The following RESP18 variants were observed in gnomAD, a reference collection of about 807,000 sequenced individuals.
RESP18 encodes the protein regulated endocrine specific protein 18.
A neutral mutation model predicts 30.0 loss-of-function variants in RESP18; 30 were observed. The ratio of observed to expected loss-of-function variants is 1.00; its 90% CI spans 0.75 to 1.36. The LOEUF (loss-of-function observed/expected upper bound fraction) is 1.36. Among genes scored for constraint, RESP18 ranks in the 40% most tolerant of loss-of-function variants. RESP18 has a pLI of 0.00. For synonymous variants in RESP18, 117 were observed against 111.2 expected (o/e 1.05, Z -0.33); for missense variants, 320 against 284.2 (o/e 1.13, Z -0.91).
At position 219,327,468 on chromosome 2, in the gene RESP18, G is replaced by A. The variant is rs1363458282; in HGVS notation, c.*49C>T. On this transcript the variant is annotated 3_prime_UTR_variant, in exon 7 of 7. Transcript: ENST00000333527. ...GTCATCCAAGAACTGCTCCTCTGAA[G>A]GGCAATGGGAAGGGTGCTGGGGCAG... is the stretch of plus-strand genomic sequence containing the variant. 2 of 1,507,190 alleles carry A rather than the reference G, an allele frequency of 1.3e-6. No homozygotes were observed. The highest frequency in any genetic ancestry group is 2.5e-5 in the East Asian group (1 of 40,716). The allele number at this position is 1,507,190 out of a possible 1,614,324, so 93.4% of individuals were successfully genotyped here.
chr2:219,329,452 A>T lies in RESP18; in HGVS notation c.465+185T>A, dbSNP rs1339422200. 3.9e-6 allele frequency: 6 copies of T among 1,550,278 alleles called. No individual in the cohort carries two copies. The African/African-American group carries it at 5.5e-5, about 14-fold the overall frequency. On this transcript the variant is annotated intron_variant, in intron 4 of 6. Coordinates refer to ENST00000333527, the MANE Select transcript of RESP18 (RefSeq NM_001007089.4). ...AATTGGACCTAGGCTTGCCACACCC[A>T]CCTCCCCTCCCTTTGCAGATATCAC...
chr2:219,330,719 C>A (rs1005932318), intron 3 of RESP18, 52 bp downstream of exon 2: 25 of 1,193,210 alleles, frequency 2.1e-5, no homozygotes, highest in Non-Finnish European at 2.8e-5. Context: ...CCCTCTTCCC[C>A]CCTCCCCATC....
At chr2:219,328,165 A>G (rs1031781742) in intron 6 of RESP18, among the ~76,000 whole-genome samples, 5 of 152,092 alleles carry the variant, frequency 3.3e-5, no homozygotes, top group Admixed American at 6.5e-5. Flanking sequence ...AAATCATATC[A>G]CGTTGTGACA....
At chr2:219,328,830 A>G (rs1288487215) in intron 6 of RESP18, 94 bp downstream of exon 5, 3 of 721,874 alleles carry the variant, frequency 4.2e-6, no homozygotes, top group East Asian at 2.7e-5. Context: ...GAGTGTTGCT[A>G]TCATGTGCTA....
Position 219,329,271 on chromosome 2 carries a change from G to A in RESP18, c.466-19C>T, listed in dbSNP as rs1241346290. ...GGGGGCTCTGTGAGGAGGGAAACCA[G>A]GAGTCAAGGAGGAGGCAGAAAAGGG... On this transcript the variant is annotated intron_variant, in intron 4 of 6. Coordinates refer to ENST00000333527, the MANE Select transcript of RESP18 (RefSeq NM_001007089.4). 1 of 1,551,676 alleles carries A rather than the reference G, an allele frequency of 6.4e-7. No homozygotes were observed. The highest frequency in any genetic ancestry group is 8.7e-7 in the Non-Finnish European group (1 of 1,146,932).
chr2:219,329,154 G>C lies in RESP18; in HGVS notation c.555+9C>G. 6.4e-7 allele frequency: 1 copy of C among 1,550,422 alleles called. No individual in the cohort carries two copies. Among genetic ancestry groups the C allele is most frequent in the South Asian group, 1.2e-5 (1 of 84,024 alleles). ...GGTCCAACCTCCCTAGAAAAAGTGA[G>C]CCCCTCACCTTGACAGGGTTGGCCA... On this transcript the variant is annotated intron_variant, in intron 5 of 6. Coordinates refer to ENST00000333527, the MANE Select transcript of RESP18 (RefSeq NM_001007089.4).
intron 4 of RESP18, 110 bp from the exon 4 acceptor site, chr2:219,329,362 C>G: frequency 6.4e-7 from 1 of 1,551,644 alleles, no homozygotes; most frequent in Non-Finnish European, 8.7e-7. Flanking sequence ...TGAGAAGATA[C>G]GTGAGTCTCA....
chr2:219,329,333 G>A (rs1329335479), intron 4 of RESP18, 81 bp from the exon 4 acceptor site: 6 of 1,551,778 alleles, frequency 3.9e-6, no homozygotes, highest in Admixed American at 2.0e-5. Context: ...TGGATACAAA[G>A]TCAGGGATTC....
chr2:219,331,998 T>C (rs1952836767), intron 2 of RESP18, among the ~76,000 whole-genome samples: 1 of 152,208 alleles, frequency 6.6e-6, no homozygotes, highest in Non-Finnish European at 1.5e-5. Context: ...TTCTCGAGTG[T>C]GCGCAGTCTG....
At chr2:219,327,765 T>A (rs555566083) in intron 6 of RESP18, among the ~76,000 whole-genome samples, 1 of 152,240 alleles carries the variant, frequency 6.6e-6, no homozygotes, top group South Asian at 2.1e-4. Flanking sequence ...TAAGCTTAGG[T>A]CTGGAGAAGA....
chr2:219,327,414 G>T lies in RESP18; in HGVS notation c.*103C>A. 9.3e-7 allele frequency: 1 copy of T among 1,078,202 alleles called. No individual in the cohort carries two copies. The highest frequency in any genetic ancestry group is 1.4e-6 in the Non-Finnish European group (1 of 718,352). 66.8% of individuals were successfully genotyped at this position (1,078,202 alleles called of 1,614,324 possible). A position where few individuals can be genotyped will look rare whatever the true frequency, so the allele number is the denominator to read the frequency against. Reference sequence around the variant, plus strand: ...CTCAAGACAAACTCAGTGTTTGCATGAGAGTCTACTTTAATGATTCAAATC... The same window carrying T: ...CTCAAGACAAACTCAGTGTTTGCATTAGAGTCTACTTTAATGATTCAAATC... On this transcript the variant is annotated 3_prime_UTR_variant, in exon 7 of 7. Coordinates refer to ENST00000333527, the MANE Select transcript of RESP18 (RefSeq NM_001007089.4).
At position 219,329,196 on chromosome 2, in the gene RESP18, C is replaced by A; in HGVS notation, c.522G>T (p.Lys174Asn). Residue 174 changes from lysine (K) to asparagine (N), a missense_variant, in exon 5 of 7, where the codon AAG becomes AAT. Physicochemically the swap from Lys to Asn is moderately conservative, Grantham distance 94. Transcript: ENST00000333527. ...GGTTGGCCACCTCTTGTTTCAGGGC[C>A]TTAGAAACCACTTCGGAGGTAAAGC... The A allele has an allele frequency of 1.4e-5, 21 of 1,551,692 alleles. No homozygotes were observed. The highest frequency in any genetic ancestry group is 1.7e-5 in the Non-Finnish European group (20 of 1,146,982).
rs1952785488 is a variant in RESP18, at chr2:219,327,439, C to T, written c.*78G>A. 7.9e-7 allele frequency: 1 copy of T among 1,269,064 alleles called. No homozygotes were observed. The highest frequency in any genetic ancestry group is 1.5e-5 in the African/African-American group (1 of 67,566). 78.6% of individuals were successfully genotyped at this position (1,269,064 alleles called of 1,614,324 possible). A position where few individuals can be genotyped will look rare whatever the true frequency, so the allele number is the denominator to read the frequency against. On this transcript the variant is annotated 3_prime_UTR_variant, in exon 7 of 7. Coordinates refer to ENST00000333527, the MANE Select transcript of RESP18 (RefSeq NM_001007089.4). ...GAGAGTCTACTTTAATGATTCAAATCTGGGTCATCCAAGAACTGCTCCTCT... is the reference window on the plus strand; with the variant it reads ...GAGAGTCTACTTTAATGATTCAAATTTGGGTCATCCAAGAACTGCTCCTCT...
rs766960954 is a variant in RESP18 at position 219,332,748 on chromosome 2, C to T, written c.18-10G>A. 6 of 1,527,548 alleles carry T rather than the reference C, an allele frequency of 3.9e-6. No homozygotes were observed. Among genetic ancestry groups the T allele is most frequent in the Non-Finnish European group, 5.3e-6 (6 of 1,131,188 alleles). 94.6% of individuals were successfully genotyped at this position (1,527,548 alleles called of 1,614,324 possible). A position where few individuals can be genotyped will look rare whatever the true frequency, so the allele number is the denominator to read the frequency against. The stretch of plus-strand genomic sequence containing the variant: ...GCCCGCGACTCCGAATCTGTTTAAC[C>T]CTCCTCGGCAGTTCAGCCAATCGTG... On this transcript the variant is annotated splice_polypyrimidine_tract_variant and intron_variant, in intron 1 of 6. Coordinates refer to ENST00000333527, the MANE Select transcript of RESP18 (RefSeq NM_001007089.4).
chr2:219,328,223 G>A (rs1461905604), intron 6 of RESP18, among the ~76,000 whole-genome samples: 1 of 152,166 alleles, frequency 6.6e-6, no homozygotes, highest in African/African-American at 2.4e-5. Flanking sequence ...CACTTAGAAT[G>A]AAATTCAAAC....
At chr2:219,331,871 G>A (rs1205060612) in intron 2 of RESP18, among the ~76,000 whole-genome samples, 2 of 152,196 alleles carry the variant, frequency 1.3e-5, no homozygotes, top group Non-Finnish European at 2.9e-5. Context: ...TTGCCACCAG[G>A]CCTCCTCCCA....
chr2:219,329,612 T>C (rs1250740206), intron 4 of RESP18, 25 bp downstream of exon 3: 6 of 1,550,234 alleles, frequency 3.9e-6, no homozygotes, highest in South Asian at 1.2e-5. Context: ...ATGCTTGGAA[T>C]GACCACAGGC....
rs1276460331 is a variant in RESP18, at chr2:219,328,951, T to C, written c.613A>G (p.Lys205Glu). ...ATGATCTTATAGATAATTTCTTCCT[T>C]AGAGGGTCCCGGCGCCTGCATCATG... The change falls in exon 6 of 7, where the codon AAG (lysine) becomes GAG (glutamate). Residue 205 changes from lysine (K) to glutamate (E), a missense_variant. Coordinates refer to ENST00000333527, the MANE Select transcript of RESP18 (RefSeq NM_001007089.4). 7 of 1,550,954 alleles carry C rather than the reference T, an allele frequency of 4.5e-6. No homozygotes were observed. In the Admixed American group the frequency reaches 1.2e-4, roughly 26 times the overall value.
At position 219,330,867 on chromosome 2, in the gene RESP18, C is replaced by A; in HGVS notation, c.241G>T (p.Asp81Tyr). Residue 81 changes from aspartate to tyrosine, a missense_variant, in exon 3 of 7, where the codon GAC becomes TAC. Coordinates refer to ENST00000333527, the MANE Select transcript of RESP18 (RefSeq NM_001007089.4). ...CAAAGCTGCCCCACTCCTACTTGGT[C>A]CTGACCATCTAAGGGCAAAATAGTG... 6.4e-7 allele frequency: 1 copy of A among 1,550,430 alleles called. No individual in the cohort carries two copies. Among genetic ancestry groups the A allele is most frequent in the South Asian group, 1.2e-5 (1 of 84,022 alleles).
Sources: allele counts gnomAD v4.1 joint callset (sites outside exome capture counted in the v4.1 genomes callset), GRCh38; gene constraint gnomAD v4.1.1; transcripts MANE v1.5; gene names NCBI Gene and HGNC (gene_info 2026-07-23, HGNC 2026-07-21).